Variants in FAT4 observed in about 807,000 individuals in gnomAD.
The protein encoded by FAT4 is FAT atypical cadherin 4.
A neutral mutation model predicts 303.9 loss-of-function variants in FAT4; 84 were observed. The observed-to-expected ratio is 0.28, with a 90% CI of 0.23 to 0.33. The LOEUF is 0.33. FAT4 is among the 10% of genes least tolerant of loss of function. The pLI, the probability that FAT4 is intolerant of heterozygous loss-of-function variation, is 1.00. For synonymous variants in FAT4, 2,307 were observed against 2,298.8 expected (o/e 1.00, Z -0.10); for missense variants, 6,005 against 6,146.8 (o/e 0.98, Z 0.77).
intron 5 of FAT4, among the ~76,000 whole-genome samples, chr4:125,411,840 G>A (rs998709819): frequency 1.5e-5 from 1 of 68,792 alleles, no homozygotes; most frequent in Non-Finnish European, 2.8e-5. Context: ...TCTATATATA[G>A]TGTGTGTGTA....
At chr4:125,435,486 G>A (rs1237463848) in intron 8 of FAT4, among the ~76,000 whole-genome samples, 1 of 152,198 alleles carries the variant, frequency 6.6e-6, no homozygotes, top group Non-Finnish European at 1.5e-5. Context: ...GCTGATTCAT[G>A]TCTTATTTTG....
At chr4:125,465,723 G>A (rs1726637749) in intron 11 of FAT4, among the ~76,000 whole-genome samples, 1 of 152,114 alleles carries the variant, frequency 6.6e-6, no homozygotes, top group Admixed American at 6.6e-5. Flanking sequence ...AATTAAAATA[G>A]ACACAAATCA....
intron 7 of FAT4, among the ~76,000 whole-genome samples, chr4:125,427,554 C>A (rs1316448209): frequency 2.5e-5 from 2 of 81,470 alleles, no homozygotes; most frequent in Non-Finnish European, 4.8e-5. Context: ...TTGTTACATA[C>A]CTTTTGTTTT....
intron 10 of FAT4, among the ~76,000 whole-genome samples, chr4:125,462,446 TTAAC>T (rs1289627934): frequency 2.0e-5 from 3 of 151,890 alleles, no homozygotes; most frequent in Non-Finnish European, 4.4e-5. Context: ...TGAAAAGAAA[TTAAC>T]TAAGAATTCT....
At chr4:125,398,941 G>T in intron 3 of FAT4, 26 bp downstream of exon 3, 2 of 1,610,688 alleles carry the variant, frequency 1.2e-6, no homozygotes, top group Non-Finnish European at 1.7e-6. Context: ...CTCTGAATTT[G>T]TGAAACTTCG....
intron 2 of FAT4, among the ~76,000 whole-genome samples, chr4:125,356,292 C>A (rs927304536): frequency 1.3e-5 from 2 of 151,984 alleles, no homozygotes; most frequent in African/African-American, 4.8e-5. Flanking sequence ...CTAATGACAT[C>A]TTTACATCCC....
At chr4:125,363,741 A>G (rs1048458407) in intron 2 of FAT4, among the ~76,000 whole-genome samples, 22 of 152,096 alleles carry the variant, frequency 1.4e-4, no homozygotes, top group African/African-American at 5.3e-4. Flanking sequence ...TGATCCGTCC[A>G]CCTTGGCCTC....
chr4:125,317,421 C>G lies in FAT4; in HGVS notation c.1010C>G (p.Ala337Gly), dbSNP rs2125939553. 1 of 1,613,596 alleles carries G rather than the reference C, an allele frequency of 6.2e-7. No individual in the cohort carries two copies. The stretch of plus-strand genomic sequence containing the variant: ...GGCGTGCCTTCCCTCACTGGGCGCG[C>G]CGAGGCGCTGATTCAGCTGCTGGAC... ...DRGVPSLTGR[A>G]EALIQLLDVN... Residue 337 changes from alanine (A) to glycine (G), a missense_variant, in exon 2 of 18, where the codon GCC becomes GGC. Physicochemically the swap from Ala to Gly is moderately conservative, Grantham distance 60. Coordinates refer to ENST00000394329, the MANE Select transcript of FAT4 (RefSeq NM_001291303.3). This position sits in a 1 kb window ranked among gnomAD's most constrained non-coding sequence, Gnocchi z 7.0.
At chr4:125,366,924 C>T (rs890631924) in intron 2 of FAT4, among the ~76,000 whole-genome samples, 2 of 151,852 alleles carry the variant, frequency 1.3e-5, no homozygotes, top group African/African-American at 4.8e-5. Context: ...TGTTCATGTC[C>T]TTTGCCCACT....
intron 17 of FAT4, among the ~76,000 whole-genome samples, chr4:125,487,825 A>C (rs1395237): frequency 6.6e-6 from 1 of 151,954 alleles, no homozygotes; most frequent in African/African-American, 2.4e-5. Context: ...GTTTGTAATA[A>C]ACTATTAGCC....
intron 8 of FAT4, among the ~76,000 whole-genome samples, chr4:125,436,241 A>G (rs2126045834): frequency 6.6e-6 from 1 of 152,198 alleles, no homozygotes; most frequent in East Asian, 1.9e-4. Context: ...AAAGAGAGAA[A>G]TCAGAATCAT....
At chr4:125,386,219 T>C (rs1272936830) in intron 2 of FAT4, among the ~76,000 whole-genome samples, 1 of 152,204 alleles carries the variant, frequency 6.6e-6, no homozygotes, top group Non-Finnish European at 1.5e-5. Context: ...TTGAAACTGA[T>C]CTAAATGTTT....
At chr4:125,362,363 C>T (rs549620038) in intron 2 of FAT4, among the ~76,000 whole-genome samples, 21 of 152,038 alleles carry the variant, frequency 1.4e-4, no homozygotes, top group South Asian at 8.3e-4. Context: ...AGAACCTAGC[C>T]GGACATCAGG....
At chr4:125,463,448 T>C in intron 10 of FAT4, 115 bp from the exon 11 acceptor site, 2 of 502,798 alleles carry the variant, frequency 4.0e-6, no homozygotes. Context: ...AACGTTTTTA[T>C]ATTTCTTTTC....
rs1271352041 is a variant in FAT4 at position 125,468,717 on chromosome 4, A to G, written c.12111A>G (p.Leu4037=). The change falls in exon 12 of 18, where the codon CTA becomes CTG. Residue 4037 remains leucine, a synonymous_variant. Coordinates refer to ENST00000394329, the MANE Select transcript of FAT4 (RefSeq NM_001291303.3). ...FLALEIAEER[L]RFSYNLGSGT... ...CCCTTGAAATTGCCGAAGAAAGACT[A>G]AGATTCTCTTATAATTTAGGCAGTG... The G allele has an allele frequency of 6.2e-7, 1 of 1,614,156 alleles. No homozygotes were observed. Among genetic ancestry groups the G allele is most frequent in the Admixed American group, 1.7e-5 (1 of 60,014 alleles).
rs368589556 is a variant in FAT4 at position 125,485,831 on chromosome 4, T to G, written c.12823-1514T>G. Reference sequence around the variant, plus strand: ...CCGCAATGAGTAATTCGTTGTGCTATGACATTACAATGGCTACTAGGTCAC... The same window carrying G: ...CCGCAATGAGTAATTCGTTGTGCTAGGACATTACAATGGCTACTAGGTCAC... On this transcript the variant is annotated intron_variant, in intron 16 of 17. Coordinates refer to ENST00000394329, the MANE Select transcript of FAT4 (RefSeq NM_001291303.3). Among the ~76,000 whole-genome samples the G allele has an allele frequency of 1.4e-4, 21 of 152,322 alleles. 1 individual carries two copies. Among genetic ancestry groups the G allele is most frequent in the African/African-American group, 4.8e-4 (20 of 41,578 alleles).
At chr4:125,464,420 T>G (rs1464229671) in intron 11 of FAT4, among the ~76,000 whole-genome samples, 1 of 152,046 alleles carries the variant, frequency 6.6e-6, no homozygotes, top group Non-Finnish European at 1.5e-5. Context: ...TTGTGATTAT[T>G]CCATTCTTTT....
chr4:125,341,301 A>G (rs986901037), intron 2 of FAT4, among the ~76,000 whole-genome samples: 1 of 152,154 alleles, frequency 6.6e-6, no homozygotes, highest in African/African-American at 2.4e-5. Flanking sequence ...CTTAGCACAG[A>G]ATGTATGAGG....
In FAT4 at chr4:125,446,481, A is replaced by G. The variant is rs1384968862; in HGVS notation, c.7388A>G (p.Asp2463Gly). 1 of 1,613,414 alleles carries G rather than the reference A, an allele frequency of 6.2e-7. No individual in the cohort carries two copies. The highest frequency in any genetic ancestry group is 1.3e-5 in the African/African-American group (1 of 74,878). Reference sequence around the variant, plus strand: ...CTTGTCACTGTGACTGATGTCAATGACAATCCACCAAGATTTCAGCATCAC... The same window carrying G: ...CTTGTCACTGTGACTGATGTCAATGGCAATCCACCAAGATTTCAGCATCAC... ...SVLVTVTDVN[D>G]NPPRFQHHPY... The change falls in exon 9 of 18, where the codon GAC (aspartate) becomes GGC (glycine). Residue 2463 changes from aspartate to glycine, a missense_variant. Coordinates refer to ENST00000394329, the MANE Select transcript of FAT4 (RefSeq NM_001291303.3).
Sources: allele counts gnomAD v4.1 joint callset (sites outside exome capture counted in the v4.1 genomes callset), GRCh38; gene constraint gnomAD v4.1.1; non-coding constraint Gnocchi (gnomAD v3.1); transcripts MANE v1.5; gene names NCBI Gene and HGNC (gene_info 2026-07-23, HGNC 2026-07-21).